Variants in NEDD1 observed in about 807,000 individuals in gnomAD.
NEDD1 encodes NEDD1 gamma-tubulin ring complex targeting factor.
NEDD1 carries 33 observed loss-of-function variants against 74.0 expected under a neutral mutation model. The ratio of observed to expected loss-of-function variants is 0.45; its 90% confidence interval spans 0.34 to 0.60. The LOEUF (loss-of-function observed/expected upper bound fraction) is 0.60. Among genes scored for constraint, NEDD1 ranks in the 20% least tolerant of loss-of-function variants. The pLI is 0.01. For synonymous variants in NEDD1, 250 were observed against 264.4 expected, an observed-to-expected ratio of 0.95 and a Z score of 0.53; for missense variants, 746 against 776.5, an observed-to-expected ratio of 0.96 and a Z score of 0.47.
At chr12:96,928,220 C>T (rs1454021116) in intron 6 of NEDD1, among the ~76,000 whole-genome samples, 1 of 152,120 alleles carries the variant, frequency 6.6e-6, no homozygotes, top group Non-Finnish European at 1.5e-5. Context: ...TCTGCCTGTT[C>T]TCATTAGTGA....
intron 3 of NEDD1, among the ~76,000 whole-genome samples, chr12:96,910,716 A>T (rs1035018669): frequency 2.0e-5 from 3 of 152,164 alleles, no homozygotes; most frequent in African/African-American, 7.2e-5. Context: ...AATTGCCTGA[A>T]TCACTCCCAG....
intron 9 of NEDD1, among the ~76,000 whole-genome samples, chr12:96,939,835 A>T (rs531620326): frequency 6.6e-6 from 1 of 151,990 alleles, no homozygotes; most frequent in Admixed American, 6.6e-5. Flanking sequence ...CTTTGAAACT[A>T]TGGAGGTTAG....
At chr12:96,929,918 G>C (rs1876194090) in intron 6 of NEDD1, among the ~76,000 whole-genome samples, 2 of 152,072 alleles carry the variant, frequency 1.3e-5, no homozygotes, top group African/African-American at 4.8e-5. Flanking sequence ...ATGCTTTTCT[G>C]TGAATACCTT....
chr12:96,935,462 T>A (rs1354924123), intron 7 of NEDD1, among the ~76,000 whole-genome samples: 1 of 152,190 alleles, frequency 6.6e-6, no homozygotes, highest in Non-Finnish European at 1.5e-5. Context: ...TTTTAGCATC[T>A]TTTCCACAAT....
intron 10 of NEDD1, among the ~76,000 whole-genome samples, chr12:96,941,902 C>T (rs1417269854): frequency 6.6e-6 from 1 of 152,072 alleles, no homozygotes; most frequent in African/African-American, 2.4e-5. Flanking sequence ...GGAACATATA[C>T]ACACATGCAC....
chr12:96,944,731 G>T lies in NEDD1; in HGVS notation c.1590G>T (p.Lys530Asn). ...CAAGAAATTCTGAGAAATTTGAAAA[G>T]CCAGAGAATGAAATTGAAGCCCAGT... Reference protein sequence around the residue: ...NQTRNSEKFEKPENEIEAQLI... With the variant: ...NQTRNSEKFENPENEIEAQLI... Residue 530 changes from lysine to asparagine, a missense_variant, in exon 13 of 16, where the codon AAG becomes AAT. This residue lies in a region of NEDD1 where 706 missense variants were observed against 706.7 expected (regional missense o/e 1.00). Transcript: ENST00000266742. The T allele has an allele frequency of 8.1e-6, 13 of 1,598,520 alleles. 1 individual carries two copies. Among genetic ancestry groups the T allele is most frequent in the Non-Finnish European group, 1.1e-5 (13 of 1,173,278 alleles).
intron 13 of NEDD1, among the ~76,000 whole-genome samples, chr12:96,945,341 T>A (rs1366434443): frequency 1.3e-5 from 2 of 152,126 alleles, no homozygotes; most frequent in Non-Finnish European, 2.9e-5. Flanking sequence ...TTTACTCCTA[T>A]TTTCCTTCGG....
At chr12:96,924,510 G>A (rs771816887) in intron 6 of NEDD1, among the ~76,000 whole-genome samples, 1 of 151,790 alleles carries the variant, frequency 6.6e-6, no homozygotes, top group Non-Finnish European at 1.5e-5. Context: ...TACTGTAGAG[G>A]GCTTGCATAT....
chr12:96,920,326 A>G (rs765246984), intron 6 of NEDD1, among the ~76,000 whole-genome samples: 1 of 152,028 alleles, frequency 6.6e-6, no homozygotes, highest in Non-Finnish European at 1.5e-5. Context: ...ATGTAATCAA[A>G]TAGTCACATC....
At chr12:96,923,881 CTTAAA>C (rs1326398839) in intron 6 of NEDD1, among the ~76,000 whole-genome samples, 1 of 149,552 alleles carries the variant, frequency 6.7e-6, no homozygotes, top group Non-Finnish European at 1.5e-5. Flanking sequence ...AACAGAAGTT[CTTAAA>C]TTTAATGAAG....
intron 5 of NEDD1, among the ~76,000 whole-genome samples, chr12:96,919,228 G>T (rs1395263169): frequency 2.0e-5 from 3 of 152,098 alleles, no homozygotes; most frequent in African/African-American, 7.2e-5. Context: ...AATTGGATTT[G>T]AGAGGCAGCC....
intron 13 of NEDD1, among the ~76,000 whole-genome samples, chr12:96,945,028 T>C (rs991846956): frequency 6.6e-6 from 1 of 152,076 alleles, no homozygotes; most frequent in Non-Finnish European, 1.5e-5. Flanking sequence ...TTCAGTGTAA[T>C]ATGTGTCTTT....
chr12:96,910,072 C>T (rs1054183935), intron 3 of NEDD1, among the ~76,000 whole-genome samples, 177 bp downstream of exon 3: 3 of 152,142 alleles, frequency 2.0e-5, no homozygotes, highest in Non-Finnish European at 4.4e-5. Flanking sequence ...TATGAATGCA[C>T]TCTGATTTTA....
chr12:96,921,403 A>AC (rs1875074578), intron 6 of NEDD1, among the ~76,000 whole-genome samples: 1 of 151,720 alleles, frequency 6.6e-6, no homozygotes, highest in African/African-American at 2.4e-5. Context: ...CTGGTCTTGG[A>AC]CTCCTGACCT....
intron 6 of NEDD1, among the ~76,000 whole-genome samples, chr12:96,926,766 G>A (rs1448545062): frequency 3.9e-5 from 6 of 152,064 alleles, no homozygotes; most frequent in Admixed American, 2.0e-4. Flanking sequence ...GCCAAGGCAG[G>A]CAGATCACTT....
At chr12:96,908,569 CT>C (rs1409429391) in intron 2 of NEDD1, among the ~76,000 whole-genome samples, 1 of 152,162 alleles carries the variant, frequency 6.6e-6, no homozygotes, top group East Asian at 1.9e-4. Flanking sequence ...GTTTTCTAGA[CT>C]TCCTTGGTTT....
rs1341588274 is a variant in NEDD1 at position 96,907,602 on chromosome 12, A to G, written c.-261-2A>G. 6 of 1,551,236 alleles carry G rather than the reference A, an allele frequency of 3.9e-6. No individual in the cohort carries two copies. The highest frequency in any genetic ancestry group is 2.4e-5 in the South Asian group (2 of 84,056). ...CAACCTCAAGTACTTTTCTTTTGGC[A>G]GGTACTTGGATGCATTTTACAGGTT... On this transcript the variant is annotated splice_acceptor_variant, in intron 1 of 15. Coordinates refer to ENST00000266742, the MANE Select transcript of NEDD1 (RefSeq NM_152905.4). LOFTEE classifies it low-confidence loss of function (5UTR_SPLICE).
intron 15 of NEDD1, 141 bp downstream of exon 15, chr12:96,951,639 A>G (rs1017848400): frequency 3.7e-6 from 2 of 544,178 alleles, no homozygotes; most frequent in African/African-American, 3.9e-5. Context: ...CTAAATAAGT[A>G]AAATAGATTT....
At position 96,953,093 on chromosome 12, in the gene NEDD1, G is replaced by C. The variant is rs74559747; in HGVS notation, c.*1040G>C. 5 of 151,004 alleles carry C rather than the reference G, an allele frequency of 3.3e-5. No homozygotes were observed. Among genetic ancestry groups the C allele is most frequent in the Admixed American group, 6.6e-5 (1 of 15,152 alleles). 9.4% of individuals were successfully genotyped at this position (151,004 alleles called of 1,614,324 possible). ...ACAATTTTAGGTTAAGTGAAGCTTG[G>C]GGGGGCTACTGACTTGGTTACCTTC... On this transcript the variant is annotated 3_prime_UTR_variant, in exon 16 of 16. Transcript: ENST00000266742.
Sources: gnomAD v4.1 joint callset for allele counts (sites outside exome capture counted in the v4.1 genomes callset) on GRCh38, gnomAD v4.1.1 for gene constraint, gnomAD v4.1.1 regional missense constraint, MANE v1.5 for transcripts, NCBI Gene and HGNC (gene_info 2026-07-23, HGNC 2026-07-21) for gene names.